Variants in SLC39A8 observed in about 807,000 individuals in gnomAD.
The protein encoded by SLC39A8 is metal cation symporter ZIP8.
Under a neutral mutation model 40.4 loss-of-function variants are expected in SLC39A8, and 15 were observed. That is an observed-to-expected ratio of 0.37 (90% confidence interval 0.25 to 0.57). The LOEUF (loss-of-function observed/expected upper bound fraction) is 0.57. Ranked by LOEUF, SLC39A8 falls within the 20% of genes least tolerant of loss-of-function variation. The probability of loss-of-function intolerance (pLI) is 0.75; values close to 1 mark genes in which losing one functional copy is unlikely to be tolerated. For synonymous variants in SLC39A8, 223 were observed against 221.6 expected, an observed-to-expected ratio of 1.01 and a Z score of -0.06; for missense variants, 472 against 558.8, an observed-to-expected ratio of 0.84 and a Z score of 1.57.
At chr4:102,341,643 A>G (rs1578634949) in intron 2 of SLC39A8, among the ~76,000 whole-genome samples, 2 of 152,200 alleles carry the variant, frequency 1.3e-5, no homozygotes, top group Non-Finnish European at 2.9e-5. Context: ...CAGTAGCTAT[A>G]AGAAGCAAAA....
chr4:102,301,072 C>A (rs555271911), intron 6 of SLC39A8, among the ~76,000 whole-genome samples: 1 of 152,164 alleles, frequency 6.6e-6, no homozygotes, highest in African/African-American at 2.4e-5. Context: ...GGCTGTCACC[C>A]TGGCACGCAC....
intron 2 of SLC39A8, among the ~76,000 whole-genome samples, chr4:102,344,163 A>T (rs1473386282): frequency 6.6e-6 from 1 of 152,146 alleles, no homozygotes; most frequent in Admixed American, 6.5e-5. Flanking sequence ...CAACTACTTC[A>T]TAAAGTTTTC....
chr4:102,261,142 T>A (rs1578551369), downstream of SLC39A8, among the ~76,000 whole-genome samples: 1 of 7,318 alleles, frequency 1.4e-4, no homozygotes, highest in African/African-American at 7.1e-3. Flanking sequence ...TGGAGAATCT[T>A]TATTTATTAT....
chr4:102,265,098 G>A lies in SLC39A8; in HGVS notation c.1234-1905C>T, dbSNP rs368597650. On this transcript the variant is annotated intron_variant, in intron 8 of 8. Coordinates refer to ENST00000356736, the MANE Select transcript of SLC39A8 (RefSeq NM_001135146.2). ...TTTGCAGTCACAACTGGGCTATCTG[G>A]CAAACAAAGTCTAGCTTTTGGCCTG... 2.6e-5 allele frequency among the ~76,000 whole-genome samples: 4 copies of A among 152,108 alleles called. No homozygotes were observed. In the South Asian group the frequency reaches 8.3e-4, roughly 32 times the overall value.
intron 2 of SLC39A8, among the ~76,000 whole-genome samples, chr4:102,319,831 G>A (rs886897681): frequency 1.3e-5 from 2 of 152,008 alleles, no homozygotes; most frequent in African/African-American, 4.8e-5. Flanking sequence ...GGTGGTTCCA[G>A]ATGAGATTAG....
chr4:102,270,883 AT>A (rs1429465916), intron 6 of SLC39A8, among the ~76,000 whole-genome samples: 2 of 152,134 alleles, frequency 1.3e-5, no homozygotes, highest in Non-Finnish European at 2.9e-5. Flanking sequence ...AAAAAACAAA[AT>A]TTTTTTCAAA....
In SLC39A8 at chr4:102,267,676, T is replaced by TAGA. The variant is rs71813938; in HGVS notation, c.1049-5_1049-3dup. The TAGA allele has an allele frequency of 3.8e-6, 6 of 1,568,866 alleles. No homozygotes were observed. Among genetic ancestry groups the TAGA allele is most frequent in the Admixed American group, 2.1e-5 (1 of 48,490 alleles). On this transcript the variant is annotated splice_region_variant and splice_polypyrimidine_tract_variant and intron_variant, in intron 7 of 8. Transcript: ENST00000356736. ...CATTGAGTAGGATCACAAAGTCTCCTAGAAGAAGAAGAAGAAAATATCAAG... is the reference window on the plus strand; with the variant it reads ...CATTGAGTAGGATCACAAAGTCTCCTAGAAGAAGAAGAAGAAGAAAATATCAAG...
intron 6 of SLC39A8, among the ~76,000 whole-genome samples, chr4:102,278,359 T>C (rs1262792149): frequency 6.6e-6 from 1 of 152,146 alleles, no homozygotes; most frequent in African/African-American, 2.4e-5. Flanking sequence ...AAAGAAGACA[T>C]TTATGTGGCC....
At position 102,322,820 on chromosome 4, in the gene SLC39A8, G is replaced by A. The variant is rs181805647; in HGVS notation, c.220-6990C>T. Among the ~76,000 whole-genome samples the A allele has an allele frequency of 4.2e-3, 637 of 152,264 alleles. 2 individuals are homozygous for A. The highest frequency in any genetic ancestry group is 5.6e-3 in the Non-Finnish European group (382 of 68,012). The stretch of plus-strand genomic sequence containing the variant: ...CTCTCTGTGGAGGTAAAGGCAGGGA[G>A]ACACAGATTTTTGTAATGCATTTAG... On this transcript the variant is annotated intron_variant, in intron 2 of 8. Transcript: ENST00000356736.
At chr4:102,324,934 C>T (rs1488765998) in intron 2 of SLC39A8, among the ~76,000 whole-genome samples, 1 of 152,038 alleles carries the variant, frequency 6.6e-6, no homozygotes, top group African/African-American at 2.4e-5. Flanking sequence ...TTACATGTTC[C>T]ACACTCACAG....
chr4:102,341,574 A>G (rs561367436), intron 2 of SLC39A8, among the ~76,000 whole-genome samples: 1 of 152,276 alleles, frequency 6.6e-6, no homozygotes, highest in African/African-American at 2.4e-5. Context: ...TATTTGGCTA[A>G]AAGGGCTCCC....
chr4:102,328,871 C>T (rs1009004448), intron 2 of SLC39A8, among the ~76,000 whole-genome samples: 1 of 151,744 alleles, frequency 6.6e-6, no homozygotes, highest in Non-Finnish European at 1.5e-5. Context: ...TAAAAAAATA[C>T]AAAAAAATTA....
chr4:102,283,318 C>T (rs898761708), intron 6 of SLC39A8, among the ~76,000 whole-genome samples: 1 of 152,184 alleles, frequency 6.6e-6, no homozygotes, highest in Non-Finnish European at 1.5e-5. Context: ...TATTTGACTC[C>T]TAAGCCTATG....
rs1035828973 is a variant in SLC39A8 at position 102,344,623 on chromosome 4, C to T, written c.40G>A (p.Ala14Thr). 30 of 1,539,704 alleles carry T rather than the reference C, an allele frequency of 1.9e-5. No individual in the cohort carries two copies. Among genetic ancestry groups the T allele is most frequent in the Non-Finnish European group, 2.6e-5 (30 of 1,143,278 alleles). Residue 14 changes from alanine to threonine, a missense_variant, in exon 2 of 9, where the codon GCG becomes ACG. Coordinates refer to ENST00000356736, the MANE Select transcript of SLC39A8 (RefSeq NM_001135146.2). ...GCCACTCCTCCGAGGCCGGCGGCCG[C>T]CAGCAACAGGAGCCCGGCCACCGCG... ...GRAVAGLLLL[A>T]AAGLGGVAEG...
intron 7 of SLC39A8, 99 bp from the exon 8 acceptor site, chr4:102,267,773 G>A (rs1732168164): frequency 6.5e-7 from 1 of 1,534,594 alleles, no homozygotes; most frequent in Non-Finnish European, 8.9e-7. Flanking sequence ...CTTCATTTTA[G>A]TGCATCAGAA....
At chr4:102,268,217 T>C in intron 6 of SLC39A8, 138 bp from the exon 7 acceptor site, 1 of 801,948 alleles carries the variant, frequency 1.2e-6, no homozygotes, top group Non-Finnish European at 2.0e-6. Context: ...GAAACCCTAA[T>C]AATATATAAC....
intron 3 of SLC39A8, among the ~76,000 whole-genome samples, chr4:102,313,311 A>C (rs1223111281): frequency 2.0e-5 from 3 of 152,162 alleles, no homozygotes; most frequent in Admixed American, 6.6e-5. Context: ...TGTCTACATC[A>C]TATAGTTGCA....
chr4:102,324,786 A>G (rs1332721394), intron 2 of SLC39A8, among the ~76,000 whole-genome samples: 2 of 152,220 alleles, frequency 1.3e-5, no homozygotes, highest in African/African-American at 4.8e-5. Flanking sequence ...CAAAGATCCC[A>G]AGAGAGCAAT....
chr4:102,339,126 A>T (rs1735800650), intron 2 of SLC39A8, among the ~76,000 whole-genome samples: 3 of 152,130 alleles, frequency 2.0e-5, no homozygotes, highest in African/African-American at 7.2e-5. Flanking sequence ...CTTGAAATAC[A>T]ATCAACACAC....
Sources: allele counts gnomAD v4.1 joint callset (sites outside exome capture counted in the v4.1 genomes callset), GRCh38; gene constraint gnomAD v4.1.1; transcripts MANE v1.5; gene names NCBI Gene and HGNC (gene_info 2026-07-23, HGNC 2026-07-21).